The following TACC2 variants were observed in gnomAD, a reference collection of about 807,000 sequenced individuals.
TACC2 encodes transforming acidic coiled-coil containing protein 2, also known as transforming acidic coiled-coil-containing protein 2.
A neutral mutation model predicts 227.3 loss-of-function variants in TACC2; 137 were observed. That is an observed-to-expected ratio of 0.60 (90% CI 0.52 to 0.69). TACC2 has a LOEUF of 0.69. Ranked by LOEUF, TACC2 falls within the 30% of genes least tolerant of loss-of-function variation. The pLI, the probability that TACC2 is intolerant of heterozygous loss-of-function variation, is 0.00. For synonymous variants in TACC2, 1,523 were observed against 1,487.5 expected, an observed-to-expected ratio of 1.02 and a Z score of -0.55; for missense variants, 3,470 against 3,694.4, an observed-to-expected ratio of 0.94 and a Z score of 1.57.
intron 2 of TACC2, chr10:122,022,315 C>A: frequency 3.5e-6 from 1 of 283,788 alleles, no homozygotes; most frequent in Non-Finnish European, 6.6e-6. Flanking sequence ...GATCATAGCT[C>A]ACTGCAGCCT....
Position 122,193,211 on chromosome 10 carries a change from GGA to G in TACC2, c.5835-1827_5835-1826del, listed in dbSNP as rs543692473. Among the ~76,000 whole-genome samples, 5 of 152,346 alleles carry G rather than the reference GGA, an allele frequency of 3.3e-5. No homozygotes were observed. In the South Asian group the frequency reaches 1.0e-3, roughly 32 times the overall value. On this transcript the variant is annotated intron_variant, in intron 7 of 22. Coordinates refer to ENST00000369005, the MANE Select transcript of TACC2 (RefSeq NM_206862.4). ...TTTCTTTTAAACCCTTTGGTTCCCT[GGA>G]GGCTTTGTGGCTGGTTGGAGGAGCC...
chr10:122,248,539 C>A, intron 19 of TACC2, 104 bp from the exon 20 acceptor site: 7 of 1,332,294 alleles, frequency 5.3e-6, no homozygotes, highest in Non-Finnish European at 7.4e-6. Flanking sequence ...GTTTGAGATG[C>A]CCCCACTGGT....
At chr10:122,041,481 T>G (rs933275030) in intron 2 of TACC2, among the ~76,000 whole-genome samples, 2 of 150,896 alleles carry the variant, frequency 1.3e-5, no homozygotes, top group African/African-American at 4.9e-5. Context: ...GAGTCCTGCT[T>G]TGTCACCCAG....
At chr10:122,088,076 ATATCTAAT>A in intron 4 of TACC2, 117 bp downstream of exon 4, 1 of 1,131,888 alleles carries the variant, frequency 8.8e-7, no homozygotes, top group Middle Eastern at 3.0e-4. Context: ...TGAGTTTTCC[ATATCTAAT>A]TGCTAAATGA....
At chr10:122,088,087 C>A in intron 4 of TACC2, 128 bp downstream of exon 4, 1 of 994,774 alleles carries the variant, frequency 1.0e-6, no homozygotes, top group Non-Finnish European at 1.4e-6. Context: ...TATCTAATTG[C>A]TAAATGAACC....
chr10:122,190,138 T>C (rs986037940), intron 7 of TACC2, among the ~76,000 whole-genome samples: 1 of 152,218 alleles, frequency 6.6e-6, no homozygotes, highest in Non-Finnish European at 1.5e-5. Flanking sequence ...TGGGTGTATA[T>C]ATGTGTGTAT....
At chr10:122,119,740 C>G (rs1233688596) in intron 5 of TACC2, among the ~76,000 whole-genome samples, 1 of 152,036 alleles carries the variant, frequency 6.6e-6, no homozygotes, top group African/African-American at 2.4e-5. Context: ...ATGGCAAAAC[C>G]CTGTTCCTAC....
At position 122,072,842 on chromosome 10, in the gene TACC2, G is replaced by C. The variant is rs193065953; in HGVS notation, c.147-9805G>C. 3.7e-3 allele frequency among the ~76,000 whole-genome samples: 564 copies of C among 152,208 alleles called. 9 individuals carry two copies. The highest frequency in any genetic ancestry group is 0.013 in the African/African-American group (536 of 41,542). ...ATAAAAATATAAATGAGGGCCGGGC[G>C]TGGCGGCTCACGCGTAATCCCAGCA... On this transcript the variant is annotated intron_variant, in intron 3 of 22. Coordinates refer to ENST00000369005, the MANE Select transcript of TACC2 (RefSeq NM_206862.4).
At chr10:122,249,465 C>A in intron 21 of TACC2, 79 bp from the exon 22 acceptor site, 3 of 1,562,848 alleles carry the variant, frequency 1.9e-6, no homozygotes, top group South Asian at 1.2e-5. Flanking sequence ...GGCCACTCTC[C>A]CTGCCTGGAC....
At chr10:122,093,095 CTCTT>C (rs1159163613) in intron 5 of TACC2, among the ~76,000 whole-genome samples, 1 of 43,450 alleles carries the variant, frequency 2.3e-5, no homozygotes, top group East Asian at 7.6e-4. Context: ...CTTTGTCTCT[CTCTT>C]TTTTTTTTTT....
intron 2 of TACC2, among the ~76,000 whole-genome samples, chr10:122,046,836 G>A (rs556313818): frequency 2.6e-5 from 4 of 152,274 alleles, no homozygotes; most frequent in South Asian, 2.1e-4. Context: ...CTGGCCTCAG[G>A]TGTTAGTTGC....
chr10:122,123,608 C>G (rs1054788864), intron 5 of TACC2, among the ~76,000 whole-genome samples: 11 of 152,080 alleles, frequency 7.2e-5, no homozygotes, highest in Non-Finnish European at 1.2e-4. Context: ...CGGTCATGCC[C>G]AGCCTAGAAC....
At chr10:122,121,692 C>T (rs117783834) in intron 5 of TACC2, among the ~76,000 whole-genome samples, 1,045 of 99,288 alleles carry the variant, frequency 0.011, 4 homozygotes, top group Middle Eastern at 0.024. Context: ...TTGTATCAGC[C>T]TCATTGGCTT....
intron 6 of TACC2, among the ~76,000 whole-genome samples, chr10:122,136,638 G>A (rs773372768): frequency 4.0e-5 from 6 of 151,070 alleles, no homozygotes; most frequent in Non-Finnish European, 7.4e-5. Flanking sequence ...CTGCAAACTC[G>A]GCCCCCTGGG....
intron 5 of TACC2, among the ~76,000 whole-genome samples, chr10:122,088,941 C>T (rs1489672712): frequency 1.3e-5 from 2 of 152,094 alleles, no homozygotes; most frequent in Non-Finnish European, 2.9e-5. Context: ...ATGGTGAAAC[C>T]CCATCTTTAG....
Position 122,083,597 on chromosome 10 carries a change from C to A in TACC2, c.1097C>A (p.Ala366Asp), listed in dbSNP as rs566405955. 5 of 1,612,334 alleles carry A rather than the reference C, an allele frequency of 3.1e-6. No individual in the cohort carries two copies. In the South Asian group the frequency reaches 5.5e-5, roughly 18 times the overall value. ...GAGGCTGGGGGCTCTGGGAAGGAGG[C>A]TCTGGACACCATTGATGTTCAGGGT... ...VPEAGGSGKE[A>D]LDTIDVQGHP... The change falls in exon 4 of 23, where the codon GCT (alanine) becomes GAT (aspartate). Residue 366 changes from alanine (A) to aspartate (D), a missense_variant. By Grantham distance (126) the Ala-to-Asp change is moderately radical. Transcript: ENST00000369005.
chr10:122,183,098 G>A (rs970230576), intron 7 of TACC2, among the ~76,000 whole-genome samples: 1 of 152,162 alleles, frequency 6.6e-6, no homozygotes, highest in African/African-American at 2.4e-5. Flanking sequence ...CCAGCTAGTC[G>A]GGTGGCTGAG....
intron 7 of TACC2, chr10:122,164,013 G>T: frequency 3.8e-6 from 6 of 1,567,666 alleles, no homozygotes; most frequent in Non-Finnish European, 5.2e-6. Context: ...CGCCCGGGCC[G>T]CCCCGAGTCT....
At chr10:122,019,185 C>A (rs575756326) in intron 1 of TACC2, among the ~76,000 whole-genome samples, 1 of 152,376 alleles carries the variant, frequency 6.6e-6, no homozygotes, top group South Asian at 2.1e-4. Context: ...GCCGGCAAGT[C>A]TGCCTATCAG....
Sources: gnomAD v4.1 joint callset for allele counts (sites outside exome capture counted in the v4.1 genomes callset) on GRCh38, gnomAD v4.1.1 for gene constraint, MANE v1.5 for transcripts, NCBI Gene and HGNC (gene_info 2026-07-23, HGNC 2026-07-21) for gene names.